The following USP33 variants were observed in gnomAD, a reference collection of about 807,000 sequenced individuals.
USP33 encodes the protein ubiquitin specific peptidase 33, also known as ubiquitin carboxyl-terminal hydrolase 33.
Under a neutral mutation model 124.2 loss-of-function variants are expected in USP33, and 46 were observed. The observed-to-expected ratio is 0.37, with a 90% CI of 0.29 to 0.47. The LOEUF is 0.47. USP33 is among the 20% of genes least tolerant of loss of function. The pLI is 0.99. For synonymous variants in USP33, 350 were observed against 352.3 expected, an observed-to-expected ratio of 0.99 and a Z score of 0.07; for missense variants, 851 against 1,070.6, an observed-to-expected ratio of 0.79 and a Z score of 2.86.
At chr1:77,738,155 T>C (rs944897941) in intron 5 of USP33, among the ~76,000 whole-genome samples, 8 of 152,244 alleles carry the variant, frequency 5.3e-5, no homozygotes, top group South Asian at 2.1e-4. Context: ...CCATCTTTCA[T>C]GTGTAAGGCA....
At chr1:77,737,828 C>T (rs1278734493) in intron 5 of USP33, among the ~76,000 whole-genome samples, 2 of 152,178 alleles carry the variant, frequency 1.3e-5, no homozygotes, top group Non-Finnish European at 2.9e-5. Flanking sequence ...GTAAGTGATG[C>T]TGATAGTTTT....
intron 21 of USP33, among the ~76,000 whole-genome samples, chr1:77,709,558 T>C (rs1481340806): frequency 6.6e-6 from 1 of 150,888 alleles, no homozygotes; most frequent in Non-Finnish European, 1.5e-5. Flanking sequence ...GATACATATC[T>C]ATATATCTAT....
In USP33 at chr1:77,732,094, A is replaced by G. The variant is rs530170480; in HGVS notation, c.525-1363T>C. Among the ~76,000 whole-genome samples the G allele has an allele frequency of 1.3e-4, 19 of 149,150 alleles. No individual in the cohort carries two copies. The East Asian group carries it at 2.7e-3, about 22-fold the overall frequency. ...ACTCCAGCCTGGGTGACAGAGTAAG[A>G]CCCTGTCTCTAACTTAAAAAAAAAA... is the stretch of plus-strand genomic sequence containing the variant. On this transcript the variant is annotated intron_variant, in intron 7 of 23. Transcript: ENST00000370794.
chr1:77,730,774 A>G, intron 7 of USP33, 43 bp from the exon 8 acceptor site: 2 of 1,316,654 alleles, frequency 1.5e-6, no homozygotes, highest in Non-Finnish European at 2.1e-6. Context: ...AGTCAAAGCT[A>G]ATACTGATTA....
intron 20 of USP33, among the ~76,000 whole-genome samples, chr1:77,712,650 G>C (rs1004199531): frequency 6.6e-6 from 1 of 152,082 alleles, no homozygotes; most frequent in Non-Finnish European, 1.5e-5. Flanking sequence ...CAGCCCAGGA[G>C]TTCAAGATCA....
intron 7 of USP33, among the ~76,000 whole-genome samples, chr1:77,732,786 CTTCTT>C (rs1484192146): frequency 7.0e-6 from 1 of 142,452 alleles, no homozygotes; most frequent in African/African-American, 2.6e-5. Context: ...GTAAATGTCT[CTTCTT>C]TTTTTTTTTT....
intron 21 of USP33, among the ~76,000 whole-genome samples, chr1:77,706,931 C>T (rs182802653): frequency 4.5e-4 from 69 of 152,246 alleles, no homozygotes; most frequent in Non-Finnish European, 1.5e-4. Context: ...GATTTATATC[C>T]CAAGTGAACA....
intron 5 of USP33, among the ~76,000 whole-genome samples, 184 bp from the exon 6 acceptor site, chr1:77,736,342 AG>A (rs1001061430): frequency 1.3e-5 from 2 of 152,202 alleles, no homozygotes; most frequent in Admixed American, 6.5e-5. Context: ...ATAAAACCCT[AG>A]GGTAATAGCA....
intron 1 of USP33, chr1:77,746,656 C>T (rs1194228329): frequency 1.3e-5 from 2 of 152,194 alleles, no homozygotes; most frequent in Non-Finnish European, 2.9e-5. Flanking sequence ...CCGAATCCAG[C>T]AATACATCAA....
chr1:77,711,556 C>T, intron 21 of USP33, 191 bp downstream of exon 21: 4 of 858,278 alleles, frequency 4.7e-6, no homozygotes, highest in Non-Finnish European at 6.6e-6. Flanking sequence ...CACACACACA[C>T]ACACAAAGGG....
chr1:77,749,068 TAAC>T (rs771924730), intron 1 of USP33, among the ~76,000 whole-genome samples: 21 of 152,212 alleles, frequency 1.4e-4, no homozygotes, highest in Non-Finnish European at 2.6e-4. Flanking sequence ...CATTTTGCTA[TAAC>T]AACATCCATT....
intron 1 of USP33, among the ~76,000 whole-genome samples, chr1:77,752,378 A>G (rs988476034): frequency 3.9e-5 from 6 of 152,004 alleles, no homozygotes; most frequent in Admixed American, 3.3e-4. Flanking sequence ...GCCTCAAGTG[A>G]TCCACCCACC....
chr1:77,754,307 T>C (rs966556587), intron 1 of USP33, among the ~76,000 whole-genome samples: 1 of 152,190 alleles, frequency 6.6e-6, no homozygotes, highest in South Asian at 2.1e-4. Context: ...TATTACACTT[T>C]AGCAAAAATA....
intron 14 of USP33, 59 bp from the exon 15 acceptor site, chr1:77,721,264 T>A: frequency 6.3e-7 from 1 of 1,593,170 alleles, no homozygotes; most frequent in Non-Finnish European, 8.6e-7. Flanking sequence ...CTTATTATGG[T>A]CCTGTAATTA....
At chr1:77,759,567 G>T in intron 1 of USP33, 76 bp downstream of exon 1, 1 of 398,138 alleles carries the variant, frequency 2.5e-6, no homozygotes, top group South Asian at 1.3e-4. Flanking sequence ...GCGCGGAAGC[G>T]AGAACAGAGA....
intron 21 of USP33, among the ~76,000 whole-genome samples, chr1:77,703,957 T>G (rs747186845): frequency 1.3e-5 from 2 of 152,014 alleles, no homozygotes; most frequent in Non-Finnish European, 2.9e-5. Context: ...AGATCAAGGC[T>G]GCAAAATTAA....
intron 4 of USP33, 76 bp from the exon 5 acceptor site, chr1:77,739,493 A>G: frequency 7.1e-7 from 1 of 1,410,160 alleles, no homozygotes; most frequent in African/African-American, 1.5e-5. Flanking sequence ...AAAAGATAAC[A>G]GAAGATAAAC....
At chr1:77,721,290 T>A in intron 14 of USP33, 85 bp from the exon 15 acceptor site, 1 of 1,448,788 alleles carries the variant, frequency 6.9e-7, no homozygotes, top group African/African-American at 1.4e-5. Context: ...TTTTGCCCCA[T>A]GCTGACCTCC....
chr1:77,739,348 C>T lies in USP33; in HGVS notation c.268G>A (p.Val90Ile), dbSNP rs1311295671. Residue 90 changes from valine (V) to isoleucine (I), a missense_variant, in exon 5 of 24, where the codon GTA (valine) becomes ATA (isoleucine). Val to Ile is a conservative substitution (Grantham distance 29). Around this residue, in one of 4 missense-constraint regions of USP33, gnomAD observed 221 missense variants for 302.9 expected, o/e 0.73. Coordinates refer to ENST00000370794, the MANE Select transcript of USP33 (RefSeq NM_201624.3). ...GTTCCTAATTTCCTATCCAAAAATA[C>T]TTCTTTGCTGCAAGCATAACACCAT... ...RVWCYACSKE[V>I]FLDRKLGTQP... is the part of the protein sequence containing the mutation. 5 of 1,613,788 alleles carry T rather than the reference C, an allele frequency of 3.1e-6. No homozygotes were observed. The highest frequency in any genetic ancestry group is 3.3e-5 in the Admixed American group (2 of 59,980).
Sources: gnomAD v4.1 joint callset for allele counts (sites outside exome capture counted in the v4.1 genomes callset) on GRCh38, gnomAD v4.1.1 for gene constraint, gnomAD v4.1.1 regional missense constraint, MANE v1.5 for transcripts, NCBI Gene and HGNC (gene_info 2026-07-23, HGNC 2026-07-21) for gene names.